The following FNDC3B variants were observed in gnomAD, a reference collection of about 807,000 sequenced individuals.
FNDC3B encodes the protein fibronectin type III domain-containing protein 3B.
FNDC3B carries 12 observed loss-of-function variants against 151.5 expected under a neutral mutation model. The ratio of observed to expected loss-of-function variants is 0.08; its 90% CI spans 0.05 to 0.13. The LOEUF is 0.13. Among genes scored for constraint, FNDC3B ranks in the 10% least tolerant of loss-of-function variants. FNDC3B has a pLI of 1.00. For synonymous variants in FNDC3B, 528 were observed against 549.0 expected, an observed-to-expected ratio of 0.96 and a Z score of 0.54; for missense variants, 1,214 against 1,505.3, an observed-to-expected ratio of 0.81 and a Z score of 3.20.
In FNDC3B at chr3:172,040,487, C is replaced by G. The variant is rs1167813914; in HGVS notation, c.-29+716C>G. The G allele has an allele frequency of 6.6e-6, 1 of 151,836 alleles. No individual in the cohort carries two copies. The highest frequency in any genetic ancestry group is 1.5e-5 in the Non-Finnish European group (1 of 67,990). The allele number at this position is 151,836 out of a possible 1,614,324, so 9.4% of individuals were successfully genotyped here. A position where few individuals can be genotyped will look rare whatever the true frequency, so the allele number is the denominator to read the frequency against. Reference sequence around the variant, plus strand: ...CACGTCCTCCTCCCCGTCCTGCCCCCCGGGCTCCCCCCGGGCTGGGGGCGG... The same window carrying G: ...CACGTCCTCCTCCCCGTCCTGCCCCGCGGGCTCCCCCCGGGCTGGGGGCGG... On this transcript the variant is annotated intron_variant, in intron 1 of 25. Transcript: ENST00000415807. This position sits in a 1 kb window ranked among gnomAD's most constrained non-coding sequence, Gnocchi z 6.6.
intron 4 of FNDC3B, among the ~76,000 whole-genome samples, chr3:172,235,170 A>G (rs542650194): frequency 1.3e-5 from 2 of 152,294 alleles, no homozygotes; most frequent in African/African-American, 4.8e-5. Context: ...ATCTAGCATC[A>G]GATCTAGTAA....
intron 11 of FNDC3B, among the ~76,000 whole-genome samples, chr3:172,316,054 C>T (rs566558562): frequency 9.1e-4 from 120 of 132,354 alleles, no homozygotes; most frequent in Non-Finnish European, 1.6e-3. Context: ...GTTGCCCAGG[C>T]TGGAGTGCAA....
chr3:172,148,371 G>C (rs1722024466), intron 3 of FNDC3B, among the ~76,000 whole-genome samples: 1 of 148,606 alleles, frequency 6.7e-6, no homozygotes, highest in Admixed American at 6.6e-5. Context: ...CCAATGTGGA[G>C]GGTAAAAAAA....
rs939958008 is a variant in FNDC3B at position 172,336,763 on chromosome 3, C to A, written c.1781-567C>A. On this transcript the variant is annotated intron_variant, in intron 15 of 25. Transcript: ENST00000415807. The stretch of plus-strand genomic sequence containing the variant: ...TAAAAATACAAAAAAATTAGCCAGG[C>A]GTAGTGGCGGGCGCCTGTAATCCCA... 1.6e-4 allele frequency among the ~76,000 whole-genome samples: 25 copies of A among 151,860 alleles called. 1 individual carries two copies. The highest frequency in any genetic ancestry group is 5.8e-4 in the African/African-American group (24 of 41,328).
intron 7 of FNDC3B, among the ~76,000 whole-genome samples, chr3:172,290,422 G>C (rs1049597030): frequency 6.6e-6 from 1 of 152,198 alleles, no homozygotes; most frequent in Non-Finnish European, 1.5e-5. Flanking sequence ...CACCATGACA[G>C]AGCAATAAGC....
intron 11 of FNDC3B, 119 bp downstream of exon 11, chr3:172,311,000 A>G: frequency 1.3e-6 from 1 of 745,390 alleles, no homozygotes; most frequent in East Asian, 2.5e-5. Flanking sequence ...GAATGCTAGT[A>G]GAGAAATTTA....
intron 4 of FNDC3B, chr3:172,237,673 C>G (rs1270063876): frequency 6.6e-6 from 1 of 152,168 alleles, no homozygotes; most frequent in African/African-American, 2.4e-5. Flanking sequence ...CTCATAAAAA[C>G]TCTGGGGACT....
chr3:172,098,922 G>C (rs1279108024), intron 1 of FNDC3B, among the ~76,000 whole-genome samples: 2 of 152,132 alleles, frequency 1.3e-5, no homozygotes, highest in African/African-American at 2.4e-5. Context: ...TGGAGTCCTC[G>C]GTTGAATGGG....
chr3:172,113,015 C>T (rs1358058196), intron 2 of FNDC3B, among the ~76,000 whole-genome samples: 1 of 152,142 alleles, frequency 6.6e-6, no homozygotes, highest in African/African-American at 2.4e-5. Context: ...CTGGAATAGT[C>T]CTTCCAAATG....
In FNDC3B at chr3:172,271,642, C is replaced by T. The variant is rs73029382; in HGVS notation, c.791-14284C>T. Among the ~76,000 whole-genome samples, 1,101 of 152,326 alleles carry T rather than the reference C, an allele frequency of 7.2e-3. 14 individuals are homozygous for T. The highest frequency in any genetic ancestry group is 0.025 in the African/African-American group (1,056 of 41,572). On this transcript the variant is annotated intron_variant, in intron 6 of 25. Coordinates refer to ENST00000415807, the MANE Select transcript of FNDC3B (RefSeq NM_022763.4). ...TGTTGACCTACTCATTCCCACTTGG[C>T]TCTGCCAGCTGGGGCTGCCTTAACT...
At chr3:172,132,797 T>C (rs1721170391) in intron 2 of FNDC3B, among the ~76,000 whole-genome samples, 1 of 152,202 alleles carries the variant, frequency 6.6e-6, no homozygotes, top group South Asian at 2.1e-4. Context: ...GAACTATTAA[T>C]AAAACTATAA....
intron 1 of FNDC3B, among the ~76,000 whole-genome samples, chr3:172,056,683 T>A (rs1171628858): frequency 6.6e-6 from 1 of 152,272 alleles, no homozygotes; most frequent in African/African-American, 2.4e-5. Flanking sequence ...AAGTGGTAGC[T>A]GCTGCTGTTT....
chr3:172,167,172 G>A (rs951466650), intron 3 of FNDC3B, among the ~76,000 whole-genome samples: 1 of 152,292 alleles, frequency 6.6e-6, no homozygotes, highest in African/African-American at 2.4e-5. Flanking sequence ...GAGGCGGGCG[G>A]ATCACCTGAG....
chr3:172,344,327 C>T (rs1733501432), intron 19 of FNDC3B, 69 bp downstream of exon 19: 1 of 1,412,050 alleles, frequency 7.1e-7, no homozygotes, highest in Admixed American at 2.2e-5. Flanking sequence ...GCTAGCACTT[C>T]TGTCTCTAGC....
Position 172,291,872 on chromosome 3 carries a change from C to G in FNDC3B, c.850-3491C>G, listed in dbSNP as rs1242001058. Among the ~76,000 whole-genome samples the G allele has an allele frequency of 5.9e-5, 9 of 152,226 alleles. No individual in the cohort carries two copies. The East Asian group carries it at 1.7e-3, about 29-fold the overall frequency. On this transcript the variant is annotated intron_variant, in intron 7 of 25. Coordinates refer to ENST00000415807, the MANE Select transcript of FNDC3B (RefSeq NM_022763.4). ...GAAAGTTTCAGCACAGGCAGACTTGCAATGTGAAGGTCATATATGAGTGTT... is the reference window on the plus strand; with the variant it reads ...GAAAGTTTCAGCACAGGCAGACTTGGAATGTGAAGGTCATATATGAGTGTT...
intron 3 of FNDC3B, among the ~76,000 whole-genome samples, chr3:172,138,857 A>G (rs774879160): frequency 6.6e-6 from 1 of 152,236 alleles, no homozygotes; most frequent in Non-Finnish European, 1.5e-5. Flanking sequence ...AGAGGGCACT[A>G]CTATGAGATG....
At chr3:172,053,375 A>G (rs770536713) in intron 1 of FNDC3B, among the ~76,000 whole-genome samples, 3 of 152,204 alleles carry the variant, frequency 2.0e-5, no homozygotes, top group Non-Finnish European at 4.4e-5. Context: ...TCTTATTTGT[A>G]TCTCTAGACT....
intron 21 of FNDC3B, among the ~76,000 whole-genome samples, chr3:172,349,150 G>A (rs574975495): frequency 1.3e-4 from 19 of 151,972 alleles, no homozygotes; most frequent in South Asian, 8.3e-4. Flanking sequence ...ACAAAAATTA[G>A]CCAGGCATCT....
chr3:172,315,969 A>G (rs1316487963), intron 11 of FNDC3B, among the ~76,000 whole-genome samples: 2 of 127,582 alleles, frequency 1.6e-5, no homozygotes, highest in Admixed American at 7.8e-5. Context: ...TTGACCCTGC[A>G]TTGCTTCTCT....
Sources: gnomAD v4.1 joint callset for allele counts (sites outside exome capture counted in the v4.1 genomes callset) on GRCh38, gnomAD v4.1.1 for gene constraint, Gnocchi (gnomAD v3.1) non-coding constraint, MANE v1.5 for transcripts, NCBI Gene and HGNC (gene_info 2026-07-23, HGNC 2026-07-21) for gene names.